The following BICD1 variants were observed in gnomAD, a reference collection of about 807,000 sequenced individuals.
The protein encoded by BICD1 is BICD cargo adaptor 1.
BICD1 carries 35 observed loss-of-function variants against 92.5 expected under a neutral mutation model. The observed-to-expected ratio is 0.38, with a 90% CI of 0.29 to 0.50. The LOEUF (loss-of-function observed/expected upper bound fraction) is 0.50. Ranked by LOEUF, BICD1 falls within the 20% of genes least tolerant of loss-of-function variation. The pLI, the probability that BICD1 is intolerant of heterozygous loss-of-function variation, is 0.93. For synonymous variants in BICD1, 429 were observed against 465.1 expected (o/e 0.92, Z 1.00); for missense variants, 950 against 1,189.8 (o/e 0.80, Z 2.97).
At chr12:32,107,570 T>C (rs1235720453) in intron 1 of BICD1, 26 bp downstream of exon 1, 1 of 1,554,370 alleles carries the variant, frequency 6.4e-7, no homozygotes, top group South Asian at 1.2e-5. Context: ...CCTCTCCCTT[T>C]CCTGGCCCTC....
At position 32,142,405 on chromosome 12, in the gene BICD1, T is replaced by TAA. The variant is rs1162662533; in HGVS notation, c.213+34886_213+34887dup. On this transcript the variant is annotated intron_variant, in intron 1 of 9. Transcript: ENST00000652176. The stretch of plus-strand genomic sequence containing the variant: ...CTGGGCAAAAGAGTGAGACTCTGTC[T>TAA]AAAAAAAAAAAAAAAAAAAAAAAAA... Among the ~76,000 whole-genome samples the TAA allele has an allele frequency of 4.4e-3, 279 of 63,388 alleles. 15 individuals carry two copies. Among genetic ancestry groups the TAA allele is most frequent in the African/African-American group, 0.018 (261 of 14,758 alleles). The allele number at this position is 63,388 out of a possible 152,430, so 41.6% of individuals were successfully genotyped here.
Position 32,328,168 on chromosome 12 carries a change from G to T in BICD1, c.1713G>T (p.Pro571=). The T allele has an allele frequency of 1.9e-6, 3 of 1,614,068 alleles. No homozygotes were observed. The highest frequency in any genetic ancestry group is 1.6e-4 in the Middle Eastern group (1 of 6,062). Residue 571 remains proline (P), a synonymous_variant, in exon 5 of 10, where the codon CCG becomes CCT. Coordinates refer to ENST00000652176, the MANE Select transcript of BICD1 (RefSeq NM_001714.4). The surrounding 1 kb of genome is among the most constrained non-coding windows in gnomAD (Gnocchi z 4.4). ...PRLARRGVSS[P]VETRTSSEPV... Reference sequence around the variant, plus strand: ...TAGCCAGGCGGGGTGTGTCATCCCCGGTAGAAACAAGGACCTCATCTGAAC... The same window carrying T: ...TAGCCAGGCGGGGTGTGTCATCCCCTGTAGAAACAAGGACCTCATCTGAAC...
At chr12:32,196,593 CAG>C (rs1944733745) in intron 1 of BICD1, among the ~76,000 whole-genome samples, 1 of 152,080 alleles carries the variant, frequency 6.6e-6, no homozygotes, top group African/African-American at 2.4e-5. Flanking sequence ...CTCTTAGTAA[CAG>C]AGTAGAATGG....
intron 4 of BICD1, among the ~76,000 whole-genome samples, chr12:32,319,719 A>C (rs569023660): frequency 1.0e-3 from 153 of 152,248 alleles, no homozygotes; most frequent in African/African-American, 3.5e-3. Flanking sequence ...CTAGGATTAC[A>C]GGTGCCCACT....
In BICD1 at chr12:32,242,946, A is replaced by T. The variant is rs77973126; in HGVS notation, c.426+26487A>T. 3.1e-3 allele frequency among the ~76,000 whole-genome samples: 479 copies of T among 152,294 alleles called. 3 individuals carry two copies. The highest frequency in any genetic ancestry group is 0.011 in the African/African-American group (459 of 41,556). On this transcript the variant is annotated intron_variant, in intron 2 of 9. Transcript: ENST00000652176. ...TAGCTATTAAGTGGGAATAATGACA[A>T]TTCCTAACTCAAGGGTCTGTTGTGA...
chr12:32,314,583 T>C (rs925966715), intron 4 of BICD1, among the ~76,000 whole-genome samples: 5 of 152,140 alleles, frequency 3.3e-5, no homozygotes, highest in Non-Finnish European at 5.9e-5. Flanking sequence ...TGTGGAAAAA[T>C]GTGTATTCAG....
chr12:32,193,662 A>C lies in BICD1; in HGVS notation c.214-22585A>C, dbSNP rs866883653. Among the ~76,000 whole-genome samples the C allele has an allele frequency of 3.3e-5, 5 of 152,326 alleles. No individual in the cohort carries two copies. In the South Asian group the frequency reaches 6.2e-4, roughly 19 times the overall value. ...AACCTACAAAGATTGAATCATAAAAAAACTAGAAAATATAAACGACCAAAT... is the reference window on the plus strand; with the variant it reads ...AACCTACAAAGATTGAATCATAAAACAACTAGAAAATATAAACGACCAAAT... On this transcript the variant is annotated intron_variant, in intron 1 of 9. Transcript: ENST00000652176.
chr12:32,194,708 C>T (rs559745778), intron 1 of BICD1, among the ~76,000 whole-genome samples: 2 of 151,594 alleles, frequency 1.3e-5, no homozygotes, highest in East Asian at 3.9e-4. Flanking sequence ...AGGGAGAAAC[C>T]CCATCTCTAC....
intron 1 of BICD1, among the ~76,000 whole-genome samples, chr12:32,143,460 T>TG (rs1182190607): frequency 8.6e-5 from 13 of 150,414 alleles, no homozygotes; most frequent in South Asian, 8.5e-4. Flanking sequence ...TTAACATTTT[T>TG]TTTTGTGTGT....
chr12:32,185,933 G>A (rs991803275), intron 1 of BICD1, among the ~76,000 whole-genome samples: 8 of 104,494 alleles, frequency 7.7e-5, no homozygotes, highest in Non-Finnish European at 1.8e-4. Flanking sequence ...GTGGGGCCAG[G>A]AGACTAAACA....
At chr12:32,368,355 G>A (rs1939604033) in intron 9 of BICD1, among the ~76,000 whole-genome samples, 1 of 151,976 alleles carries the variant, frequency 6.6e-6, no homozygotes, top group South Asian at 2.1e-4. Flanking sequence ...AGAACCTGTT[G>A]CTAAAAAACA....
intron 4 of BICD1, among the ~76,000 whole-genome samples, chr12:32,314,975 G>T (rs561045248): frequency 6.6e-6 from 1 of 152,128 alleles, no homozygotes; most frequent in African/African-American, 2.4e-5. Context: ...GATGTGTCTA[G>T]TGTATTTTTT....
At chr12:32,158,600 T>C (rs1297825618) in intron 1 of BICD1, among the ~76,000 whole-genome samples, 3 of 152,234 alleles carry the variant, frequency 2.0e-5, no homozygotes, top group Non-Finnish European at 4.4e-5. Context: ...GCAGACTTGC[T>C]CCCTCTTCCT....
chr12:32,217,585 T>C (rs1945397743), intron 2 of BICD1, among the ~76,000 whole-genome samples: 1 of 152,234 alleles, frequency 6.6e-6, no homozygotes, highest in South Asian at 2.1e-4. Flanking sequence ...CAATATGACT[T>C]GTGAAGACAG....
chr12:32,321,532 A>G (rs1948656393), intron 4 of BICD1, among the ~76,000 whole-genome samples: 1 of 152,228 alleles, frequency 6.6e-6, no homozygotes, highest in African/African-American at 2.4e-5. Flanking sequence ...TGAAGATTGT[A>G]GGAAGAGAAA....
At chr12:32,226,705 A>T (rs188364153) in intron 2 of BICD1, among the ~76,000 whole-genome samples, 281 of 152,248 alleles carry the variant, frequency 1.8e-3, no homozygotes, top group African/African-American at 6.0e-3. Context: ...CAAATCCATG[A>T]TGGGACAGAC....
At chr12:32,215,198 T>C (rs1482240090) in intron 1 of BICD1, among the ~76,000 whole-genome samples, 1 of 152,084 alleles carries the variant, frequency 6.6e-6, no homozygotes, top group East Asian at 1.9e-4. Context: ...CACTGCATTC[T>C]ATCCTGGGTG....
chr12:32,198,330 C>CTATCTATA lies in BICD1; in HGVS notation c.214-17914_214-17913insCTATATAT, dbSNP rs1555145675. Among the ~76,000 whole-genome samples the CTATCTATA allele has an allele frequency of 4.5e-3, 531 of 117,766 alleles. 12 individuals carry two copies. The highest frequency in any genetic ancestry group is 0.015 in the African/African-American group (452 of 31,076). 77.3% of individuals were successfully genotyped at this position (117,766 alleles called of 152,430 possible). On this transcript the variant is annotated intron_variant, in intron 1 of 9. Transcript: ENST00000652176. ...GATTATGGGAATAATATGCATCTAT[C>CTATCTATA]TATATATATATATATATATATATTC... is the stretch of plus-strand genomic sequence containing the variant.
intron 9 of BICD1, among the ~76,000 whole-genome samples, chr12:32,369,727 C>T (rs1001254060): frequency 2.0e-5 from 3 of 148,828 alleles, no homozygotes; most frequent in African/African-American, 7.6e-5. Context: ...CCTCCACCCC[C>T]GACCTCTACC....
Sources: allele counts gnomAD v4.1 joint callset (sites outside exome capture counted in the v4.1 genomes callset), GRCh38; gene constraint gnomAD v4.1.1; non-coding constraint Gnocchi (gnomAD v3.1); transcripts MANE v1.5; gene names NCBI Gene and HGNC (gene_info 2026-07-23, HGNC 2026-07-21).